ZNF850: variants seen among roughly 807,000 people sequenced by gnomAD.
ZNF850 encodes zinc finger protein 850.
In ZNF850, 2 loss-of-function variants were observed where a neutral mutation model predicts 11.9. The ratio of observed to expected loss-of-function variants is 0.17; its 90% confidence interval spans 0.07 to 0.53. The LOEUF is 0.53. ZNF850 is among the 20% of genes least tolerant of loss of function. The probability of loss-of-function intolerance (pLI) is 0.94; values close to 1 mark genes in which losing one functional copy is unlikely to be tolerated. For synonymous variants in ZNF850, 381 were observed against 443.0 expected (o/e 0.86, Z 1.76); for missense variants, 1,014 against 1,316.4 (o/e 0.77, Z 3.55).
At chr19:36,771,797 G>T (rs2040585889) in intron 1 of ZNF850, among the ~76,000 whole-genome samples, 1 of 152,162 alleles carries the variant, frequency 6.6e-6, no homozygotes, top group Admixed American at 6.6e-5. Context: ...CCCGGGTTTG[G>T]GCTGTGCGAA....
chr19:36,770,891 C>G (rs2040577753), intron 1 of ZNF850, among the ~76,000 whole-genome samples: 2 of 152,182 alleles, frequency 1.3e-5, no homozygotes, highest in South Asian at 2.1e-4. Flanking sequence ...TCACAGATGA[C>G]TGGGCAAATC....
chr19:36,750,799 C>T lies in ZNF850; in HGVS notation c.241G>A (p.Glu81Lys), dbSNP rs1262703488. 4.0e-6 allele frequency: 6 copies of T among 1,492,776 alleles called. No homozygotes were observed. The highest frequency in any genetic ancestry group is 5.3e-6 in the Non-Finnish European group (6 of 1,127,028). The allele number at this position is 1,492,776 out of a possible 1,614,324, so 92.5% of individuals were successfully genotyped here. Residue 81 changes from glutamate (E) to lysine (K), a missense_variant, in exon 5 of 5, where the codon GAG becomes AAG. Glu to Lys is a moderately conservative substitution (Grantham distance 56, BLOSUM62 1). Transcript: ENST00000591344. ...GAATCTTTGGTCTTACATCTAAACTCCGAGTCTGAAAAATAACCAGAAAGC... is the reference window on the plus strand; with the variant it reads ...GAATCTTTGGTCTTACATCTAAACTTCGAGTCTGAAAAATAACCAGAAAGC... ...DVLGGWCRDS[E>K]FRCKTKDSCL...
chr19:36,754,025 C>T (rs2040470280), intron 4 of ZNF850, among the ~76,000 whole-genome samples: 1 of 151,154 alleles, frequency 6.6e-6, no homozygotes, highest in African/African-American at 2.4e-5. Flanking sequence ...TCAAACAGGC[C>T]AAGAGAGGTG....
intron 1 of ZNF850, among the ~76,000 whole-genome samples, 181 bp downstream of exon 1, chr19:36,772,544 C>A (rs1396144475): frequency 6.6e-6 from 1 of 152,164 alleles, no homozygotes; most frequent in Admixed American, 6.5e-5. Context: ...CGAGGGTCGT[C>A]CAGGACACAC....
intron 1 of ZNF850, among the ~76,000 whole-genome samples, chr19:36,763,184 C>T (rs1393899139): frequency 6.6e-6 from 1 of 152,020 alleles, no homozygotes; most frequent in Non-Finnish European, 1.5e-5. Context: ...AGCCACCACA[C>T]CCAGCCTTTC....
rs2040431583 is a variant in ZNF850, at chr19:36,748,845, T to G, written c.2195A>C (p.Lys732Thr). 6.5e-7 allele frequency: 1 copy of G among 1,548,532 alleles called. No homozygotes were observed. Among genetic ancestry groups the G allele is most frequent in the African/African-American group, 1.4e-5 (1 of 73,224 alleles). Residue 732 changes from lysine (K) to threonine (T), a missense_variant, in exon 5 of 5, where the codon AAG (lysine) becomes ACG (threonine). By Grantham distance (78) the Lys-to-Thr change is moderately conservative. Transcript: ENST00000591344. ...AGAAGTAAAAGATTTCCCACATTCC[T>G]TACCATCATAGGGTTTCTCATCAGT... ...NHTDEKPYDG[K>T]ECGKSFTSHS...
In ZNF850 at chr19:36,744,207, T is replaced by G. The variant is rs1445069765; in HGVS notation, c.*3560A>C. Reference sequence around the variant, plus strand: ...AAAAAAAAAAAGGATTTACCCCAAATAGATCATCTTTGGTCAATAAGAATA... The same window carrying G: ...AAAAAAAAAAAGGATTTACCCCAAAGAGATCATCTTTGGTCAATAAGAATA... On this transcript the variant is annotated 3_prime_UTR_variant, in exon 5 of 5. Coordinates refer to ENST00000591344, the MANE Select transcript of ZNF850 (RefSeq NM_001193552.2). The G allele has an allele frequency of 6.6e-6, 1 of 150,766 alleles. No homozygotes were observed. The highest frequency in any genetic ancestry group is 2.4e-5 in the African/African-American group (1 of 41,092). The allele number at this position is 150,766 out of a possible 1,614,324, so 9.3% of individuals were successfully genotyped here.
intron 1 of ZNF850, among the ~76,000 whole-genome samples, chr19:36,766,349 G>GA (rs1449176482): frequency 1.3e-5 from 2 of 152,044 alleles, no homozygotes; most frequent in Non-Finnish European, 2.9e-5. Flanking sequence ...AGAGAAAGCA[G>GA]AAAAAAGAAG....
chr19:36,753,422 CAAAAAA>C (rs58851544), intron 4 of ZNF850, among the ~76,000 whole-genome samples: 13 of 46,650 alleles, frequency 2.8e-4, no homozygotes, highest in South Asian at 1.8e-3. Flanking sequence ...GACACTGTCT[CAAAAAA>C]AAAAAAAAAA....
intron 4 of ZNF850, among the ~76,000 whole-genome samples, chr19:36,756,227 T>C (rs1032500847): frequency 5.9e-5 from 9 of 152,146 alleles, no homozygotes; most frequent in African/African-American, 2.2e-4. Context: ...TTAAGTGCCA[T>C]ATCACCTACT....
In ZNF850 at chr19:36,761,994, C is replaced by G. The variant is rs746613880; in HGVS notation, c.140-256G>C. ...CCGAGAGACGGAGGTTGGAGTGAACCGAGATCATGACATTGCACTCCAGCC... is the reference window on the plus strand; with the variant it reads ...CCGAGAGACGGAGGTTGGAGTGAACGGAGATCATGACATTGCACTCCAGCC... On this transcript the variant is annotated intron_variant, in intron 3 of 4. Transcript: ENST00000591344. 4.8e-5 allele frequency among the ~76,000 whole-genome samples: 7 copies of G among 146,548 alleles called. No individual in the cohort carries two copies. In the East Asian group the frequency reaches 1.4e-3, roughly 29 times the overall value.
chr19:36,765,017 A>T (rs2040541391), intron 1 of ZNF850, among the ~76,000 whole-genome samples: 1 of 152,036 alleles, frequency 6.6e-6, no homozygotes, highest in Non-Finnish European at 1.5e-5. Flanking sequence ...CCCCTGTATT[A>T]GGGTCATACT....
At chr19:36,762,500 G>T in intron 2 of ZNF850, 69 bp from the exon 3 acceptor site, 1 of 1,532,238 alleles carries the variant, frequency 6.5e-7, no homozygotes, top group Non-Finnish European at 8.7e-7. Flanking sequence ...GGAAGAGATG[G>T]AAGGGTGCTG....
Position 36,747,478 on chromosome 19 carries a change from A to C in ZNF850, c.*289T>G, listed in dbSNP as rs2040418052. 2 of 240,950 alleles carry C rather than the reference A, an allele frequency of 8.3e-6. No homozygotes were observed. The highest frequency in any genetic ancestry group is 1.6e-5 in the Non-Finnish European group (2 of 124,024). 14.9% of individuals were successfully genotyped at this position (240,950 alleles called of 1,614,324 possible). A position where few individuals can be genotyped will look rare whatever the true frequency, so the allele number is the denominator to read the frequency against. ...CCCTGTCTCTACTAAAAATACAAAA[A>C]CAAAAAAATTAGCCAGGCGTGGTGG... On this transcript the variant is annotated 3_prime_UTR_variant, in exon 5 of 5. Coordinates refer to ENST00000591344, the MANE Select transcript of ZNF850 (RefSeq NM_001193552.2).
In ZNF850 at chr19:36,746,274, A is replaced by G. The variant is rs2040411009; in HGVS notation, c.*1493T>C. On this transcript the variant is annotated 3_prime_UTR_variant, in exon 5 of 5. Coordinates refer to ENST00000591344, the MANE Select transcript of ZNF850 (RefSeq NM_001193552.2). ...GTTGTTATATCTGTTATGGTGGCCTATGATTATCTTAGGCACCACTACTTG... is the reference window on the plus strand; with the variant it reads ...GTTGTTATATCTGTTATGGTGGCCTGTGATTATCTTAGGCACCACTACTTG... The G allele has an allele frequency of 6.6e-6, 1 of 152,228 alleles. No individual in the cohort carries two copies. The highest frequency in any genetic ancestry group is 1.5e-5 in the Non-Finnish European group (1 of 68,040). The allele number at this position is 152,228 out of a possible 1,614,324, so 9.4% of individuals were successfully genotyped here.
intron 4 of ZNF850, among the ~76,000 whole-genome samples, chr19:36,759,622 G>A (rs998099361): frequency 6.6e-6 from 1 of 152,138 alleles, no homozygotes; most frequent in Admixed American, 6.6e-5. Flanking sequence ...GAAACTCATT[G>A]ATAACTACTG....
chr19:36,764,710 T>C (rs1397969778), intron 1 of ZNF850, among the ~76,000 whole-genome samples: 1 of 151,468 alleles, frequency 6.6e-6, no homozygotes, highest in Admixed American at 6.6e-5. Flanking sequence ...TGTGATTTTC[T>C]TTTCTTTCCT....
chr19:36,770,558 T>C (rs1380543956), intron 1 of ZNF850, among the ~76,000 whole-genome samples: 1 of 151,402 alleles, frequency 6.6e-6, no homozygotes, highest in East Asian at 1.9e-4. Flanking sequence ...ATACAAAAAT[T>C]AGCCGGGCGT....
At chr19:36,768,790 C>T (rs1474160902) in intron 1 of ZNF850, among the ~76,000 whole-genome samples, 15 of 151,704 alleles carry the variant, frequency 9.9e-5, no homozygotes, top group Non-Finnish European at 1.5e-5. Flanking sequence ...TGGCAAAACC[C>T]TGTCTGTGCA....
Sources: allele counts gnomAD v4.1 joint callset (sites outside exome capture counted in the v4.1 genomes callset), GRCh38; gene constraint gnomAD v4.1.1; transcripts MANE v1.5; gene names NCBI Gene and HGNC (gene_info 2026-07-23, HGNC 2026-07-21).